Variants in CASQ2 observed in about 807,000 individuals in gnomAD.
CASQ2 encodes the protein calsequestrin 2, also known as calsequestrin-2.
CASQ2 carries 49 observed loss-of-function variants against 46.5 expected under a neutral mutation model. The ratio of observed to expected loss-of-function variants is 1.05; its 90% CI spans 0.84 to 1.34. CASQ2 has a LOEUF of 1.34. Ranked by LOEUF, CASQ2 falls within the 40% of genes most tolerant of loss-of-function variation. The pLI, the probability that CASQ2 is intolerant of heterozygous loss-of-function variation, is 0.00. For synonymous variants in CASQ2, 174 were observed against 168.5 expected (o/e 1.03, Z -0.25); for missense variants, 486 against 481.3 (o/e 1.01, Z -0.09).
intron 5 of CASQ2, among the ~76,000 whole-genome samples, chr1:115,730,667 G>T (rs905672400): frequency 1.3e-5 from 2 of 152,042 alleles, no homozygotes; most frequent in African/African-American, 2.4e-5. Context: ...CTGTCTTAAC[G>T]CCAAGACTTG....
intron 6 of CASQ2, 63 bp from the exon 7 acceptor site, chr1:115,725,616 A>C (rs1234520882): frequency 7.1e-5 from 111 of 1,558,282 alleles, no homozygotes; most frequent in Admixed American, 3.0e-4. Flanking sequence ...ACTGTGGCAG[A>C]CACAGCAGCC....
At chr1:115,738,021 CCTT>C (rs1648024915) in intron 4 of CASQ2, among the ~76,000 whole-genome samples, 200 bp downstream of exon 4, 1 of 152,308 alleles carries the variant, frequency 6.6e-6, no homozygotes, top group East Asian at 1.9e-4. Context: ...CCTGGCCCCT[CCTT>C]AATATTCTTG....
At chr1:115,726,952 A>T (rs753585005) in intron 6 of CASQ2, 40 bp downstream of exon 6, 5 of 609,420 alleles carry the variant, frequency 8.2e-6, no homozygotes, top group South Asian at 5.9e-5. Context: ...TCCATTCCCC[A>T]GACCCCAGGC....
chr1:115,720,884 G>A (rs1015635615), intron 7 of CASQ2, among the ~76,000 whole-genome samples: 6 of 152,122 alleles, frequency 3.9e-5, no homozygotes, highest in African/African-American at 1.4e-4. Flanking sequence ...CTCAAAAAAG[G>A]AGTATGGCAA....
chr1:115,714,349 C>G (rs1023724363), intron 8 of CASQ2, among the ~76,000 whole-genome samples: 1 of 152,134 alleles, frequency 6.6e-6, no homozygotes, highest in African/African-American at 2.4e-5. Flanking sequence ...GTGATTTGGG[C>G]AACTTATTTA....
chr1:115,706,154 G>A (rs1182291345), intron 8 of CASQ2, among the ~76,000 whole-genome samples: 1 of 149,704 alleles, frequency 6.7e-6, no homozygotes, highest in Admixed American at 6.7e-5. Flanking sequence ...GTGTGCGTGC[G>A]TGTGTGTATG....
chr1:115,744,805 A>G (rs367619329), intron 2 of CASQ2, 23 bp downstream of exon 2: 2 of 1,527,974 alleles, frequency 1.3e-6, no homozygotes, highest in South Asian at 1.1e-5. Flanking sequence ...TCCCACATAC[A>G]GTATCTCAAA....
At chr1:115,709,775 T>A (rs1654484653) in intron 8 of CASQ2, among the ~76,000 whole-genome samples, 2 of 152,214 alleles carry the variant, frequency 1.3e-5, no homozygotes, top group African/African-American at 4.8e-5. Context: ...TTGCATCCAA[T>A]TGAAATCTCC....
intron 1 of CASQ2, among the ~76,000 whole-genome samples, chr1:115,763,561 T>G (rs1557807875): frequency 6.6e-6 from 1 of 152,182 alleles, no homozygotes; most frequent in Non-Finnish European, 1.5e-5. Context: ...TGTATTGTGT[T>G]TAGAATCCTG....
chr1:115,744,882 T>C lies in CASQ2; in HGVS notation c.265A>G (p.Ile89Val), dbSNP rs368650614. 7 of 1,613,764 alleles carry C rather than the reference T, an allele frequency of 4.3e-6. No homozygotes were observed. The African/African-American group carries it at 6.7e-5, about 15-fold the overall frequency. ...LVAQVLEHKA[I>V]GFVMVDAKKE... ...TTGGCATCCACCATCACAAAGCCTA[T>C]AGCTTTATGTTCAAGGACCTGGGCC... is the stretch of plus-strand genomic sequence containing the variant. Residue 89 changes from isoleucine (I) to valine (V), a missense_variant, in exon 2 of 11, where the codon ATA (isoleucine) becomes GTA (valine). By Grantham distance (29) the Ile-to-Val change is conservative (BLOSUM62 3). Coordinates refer to ENST00000261448, the MANE Select transcript of CASQ2 (RefSeq NM_001232.4).
intron 7 of CASQ2, among the ~76,000 whole-genome samples, chr1:115,724,023 G>T (rs139354570): frequency 6.6e-6 from 1 of 152,274 alleles, no homozygotes; most frequent in East Asian, 1.9e-4. Flanking sequence ...GTGTCAAGTT[G>T]CTCCCTGGTT....
intron 7 of CASQ2, among the ~76,000 whole-genome samples, chr1:115,723,274 C>CTATCATCTATCTATCT (rs57499430): frequency 3.3e-5 from 5 of 150,856 alleles, no homozygotes; most frequent in Admixed American, 1.3e-4. Context: ...ATCTATCTAT[C>CTATCATCTATCTATCT]ATCTATCTAT....
chr1:115,754,404 C>T (rs1412814192), intron 1 of CASQ2, among the ~76,000 whole-genome samples: 1 of 152,088 alleles, frequency 6.6e-6, no homozygotes, highest in African/African-American at 2.4e-5. Flanking sequence ...GTATTTTTTC[C>T]ACCCCACAAT....
chr1:115,766,181 C>A (rs1404133658), intron 1 of CASQ2, among the ~76,000 whole-genome samples: 2 of 152,196 alleles, frequency 1.3e-5, no homozygotes. Flanking sequence ...AGAGGCTGAG[C>A]AACTCTGTTT....
At chr1:115,708,220 G>T (rs968716280) in intron 8 of CASQ2, among the ~76,000 whole-genome samples, 1 of 152,100 alleles carries the variant, frequency 6.6e-6, no homozygotes, top group East Asian at 1.9e-4. Flanking sequence ...GAAAATAAAA[G>T]GTTTTTGTAA....
Position 115,756,809 on chromosome 1 carries a change from G to T in CASQ2, c.234+11499C>A, listed in dbSNP as rs183127860. On this transcript the variant is annotated intron_variant, in intron 1 of 10. Coordinates refer to ENST00000261448, the MANE Select transcript of CASQ2 (RefSeq NM_001232.4). ...TAAAAATACAAAAATTAGCTGGGCA[G>T]GGTGGCACACGCCTGTAGTCTCAGC... Among the ~76,000 whole-genome samples the T allele has an allele frequency of 5.5e-4, 83 of 152,142 alleles. 1 individual carries two copies. The East Asian group carries it at 0.015, about 27-fold the overall frequency.
intron 1 of CASQ2, among the ~76,000 whole-genome samples, chr1:115,756,641 C>T (rs1023804322): frequency 7.9e-5 from 12 of 152,136 alleles, no homozygotes; most frequent in African/African-American, 2.7e-4. Flanking sequence ...CTCACGTCCC[C>T]GTTTTAAAAT....
rs775663612 is a variant in CASQ2 at position 115,740,767 on chromosome 1, G to A, written c.381C>T (p.Gly127=). Residue 127 remains glycine (G), a synonymous_variant, in exon 3 of 11, where the codon GGC becomes GGT. Transcript: ENST00000261448. ...CCACCAAGACATCAGCTGCAAACTC[G>A]CCATCAAACTCTATTGTGCGATCAC... is the stretch of plus-strand genomic sequence containing the variant. ...LKGDRTIEFD[G]EFAADVLVEF... is the part of the protein sequence containing the mutation. The A allele has an allele frequency of 9.3e-6, 15 of 1,613,030 alleles. No individual in the cohort carries two copies. Among genetic ancestry groups the A allele is most frequent in the Admixed American group, 5.0e-5 (3 of 59,970 alleles).
intron 4 of CASQ2, among the ~76,000 whole-genome samples, chr1:115,733,720 G>T (rs1244037716): frequency 6.6e-6 from 1 of 151,914 alleles, no homozygotes. Flanking sequence ...AATTGTGGTG[G>T]TGGTGGTGGT....
Sources: allele counts gnomAD v4.1 joint callset (sites outside exome capture counted in the v4.1 genomes callset), GRCh38; gene constraint gnomAD v4.1.1; transcripts MANE v1.5; gene names NCBI Gene and HGNC (gene_info 2026-07-23, HGNC 2026-07-21).